The following RAB15 variants were observed in gnomAD, a reference collection of about 807,000 sequenced individuals.
RAB15 encodes the protein ras-related protein Rab-15.
In RAB15, 13 loss-of-function variants were observed where a neutral mutation model predicts 31.8. That is an observed-to-expected ratio of 0.41 (90% CI 0.27 to 0.65). The LOEUF (loss-of-function observed/expected upper bound fraction) is 0.65. Ranked by LOEUF, RAB15 falls within the 30% of genes least tolerant of loss-of-function variation. The pLI, the probability that RAB15 is intolerant of heterozygous loss-of-function variation, is 0.32. For synonymous variants in RAB15, 100 were observed against 105.6 expected, an observed-to-expected ratio of 0.95 and a Z score of 0.33; for missense variants, 220 against 277.3, an observed-to-expected ratio of 0.79 and a Z score of 1.47.
Position 64,950,727 on chromosome 14 carries a change from T to A in RAB15, c.325-313A>T. On this transcript the variant is annotated intron_variant, in intron 4 of 6. Coordinates refer to ENST00000533601, the MANE Select transcript of RAB15 (RefSeq NM_001308154.2). This position sits in a 1 kb window ranked among gnomAD's most constrained non-coding sequence, Gnocchi z 5.6. The stretch of plus-strand genomic sequence containing the variant: ...TACAGGAACTGGGGACCCAGAGGAT[T>A]CAAATGGCTTCCCAAGGCTCCACAG... 2 of 595,428 alleles carry A rather than the reference T, an allele frequency of 3.4e-6. No homozygotes were observed. Among genetic ancestry groups the A allele is most frequent in the Admixed American group, 3.0e-5 (1 of 33,588 alleles). 36.9% of individuals were successfully genotyped at this position (595,428 alleles called of 1,614,324 possible).
intron 1 of RAB15, among the ~76,000 whole-genome samples, chr14:64,960,871 G>T (rs1886817567): frequency 6.6e-6 from 1 of 152,190 alleles, no homozygotes; most frequent in African/African-American, 2.4e-5. Context: ...GCCGCCCCCT[G>T]TGGGGCCCAG....
At position 64,962,282 on chromosome 14, in the gene RAB15, CAG is replaced by C. The variant is rs1886906531; in HGVS notation, c.124+9669_124+9670del. Among the ~76,000 whole-genome samples, 1 of 152,174 alleles carries C rather than the reference CAG, an allele frequency of 6.6e-6. No homozygotes were observed. Among genetic ancestry groups the C allele is most frequent in the Non-Finnish European group, 1.5e-5 (1 of 68,024 alleles). Reference sequence around the variant, plus strand: ...AACCAATACGACCTATAACTTCCCTCAGGGAAGAACAGAAGTCCTCTAGGAAA... The same window carrying C: ...AACCAATACGACCTATAACTTCCCTCGGAAGAACAGAAGTCCTCTAGGAAA... On this transcript the variant is annotated intron_variant, in intron 1 of 6. Transcript: ENST00000533601. The surrounding 1 kb of genome is among the most constrained non-coding windows in gnomAD (Gnocchi z 4.2).
chr14:64,948,464 G>C lies in RAB15; in HGVS notation c.529C>G (p.Leu177Val), dbSNP rs1166808617. 1.2e-6 allele frequency: 2 copies of C among 1,613,338 alleles called. No individual in the cohort carries two copies. The highest frequency in any genetic ancestry group is 1.3e-5 in the African/African-American group (1 of 74,896). ...CTGGCACGCATCCGGAGGCCTTCCA[G>C]CTCCTTCCTATGGGCCTGCAGCACC... ...ELVLQAHRKE[L>V]EGLRMRASNE... The change falls in exon 7 of 7, where the codon CTG (leucine) becomes GTG (valine). Residue 177 changes from leucine to valine, a missense_variant. Coordinates refer to ENST00000533601, the MANE Select transcript of RAB15 (RefSeq NM_001308154.2). The surrounding 1 kb of genome is among the most constrained non-coding windows in gnomAD (Gnocchi z 7.0).
chr14:64,948,867 A>G lies in RAB15; in HGVS notation c.415-134T>C. On this transcript the variant is annotated intron_variant, in intron 5 of 6. Transcript: ENST00000533601. The surrounding 1 kb of genome is among the most constrained non-coding windows in gnomAD (Gnocchi z 7.0). Reference sequence around the variant, plus strand: ...GATTTCTCAGAGTAGATAATTTCTCAGATGGGACTGGGAGCTCCAAGAGAG... The same window carrying G: ...GATTTCTCAGAGTAGATAATTTCTCGGATGGGACTGGGAGCTCCAAGAGAG... 1 of 760,848 alleles carries G rather than the reference A, an allele frequency of 1.3e-6. No individual in the cohort carries two copies. Among genetic ancestry groups the G allele is most frequent in the Non-Finnish European group, 2.2e-6 (1 of 457,958 alleles). 47.1% of individuals were successfully genotyped at this position (760,848 alleles called of 1,614,324 possible). A position where few individuals can be genotyped will look rare whatever the true frequency, so the allele number is the denominator to read the frequency against.
In RAB15 at chr14:64,954,570, A is replaced by T; in HGVS notation, c.125-1999T>A. On this transcript the variant is annotated intron_variant, in intron 1 of 6. Coordinates refer to ENST00000533601, the MANE Select transcript of RAB15 (RefSeq NM_001308154.2). The surrounding 1 kb of genome is among the most constrained non-coding windows in gnomAD (Gnocchi z 4.3). ...CCACAAACATTTATGGGAACTTCCT[A>T]TGTGCCCTGCACAGTGCTCAGTGCA... 2.1e-6 allele frequency: 2 copies of T among 970,728 alleles called. No individual in the cohort carries two copies. Among genetic ancestry groups the T allele is most frequent in the Non-Finnish European group, 2.4e-6 (2 of 816,544 alleles). The allele number at this position is 970,728 out of a possible 1,614,324, so 60.1% of individuals were successfully genotyped here.
Position 64,971,833 on chromosome 14 carries a change from C to A in RAB15, c.124+120G>T. 1.0e-6 allele frequency: 1 copy of A among 973,244 alleles called. No homozygotes were observed. The highest frequency in any genetic ancestry group is 1.6e-5 in the South Asian group (1 of 63,406). 60.3% of individuals were successfully genotyped at this position (973,244 alleles called of 1,614,324 possible). On this transcript the variant is annotated intron_variant, in intron 1 of 6. Transcript: ENST00000533601. This position sits in a 1 kb window ranked among gnomAD's most constrained non-coding sequence, Gnocchi z 4.1. ...CCCGAGATTTATCCCGGACTCCGGC[C>A]TCCGGCGCCACCGCCTCCAGCCGGA... is the stretch of plus-strand genomic sequence containing the variant.
chr14:64,948,184 G>A lies in RAB15; in HGVS notation c.*170C>T, dbSNP rs1178532642. On this transcript the variant is annotated 3_prime_UTR_variant, in exon 7 of 7. Coordinates refer to ENST00000533601, the MANE Select transcript of RAB15 (RefSeq NM_001308154.2). This position sits in a 1 kb window ranked among gnomAD's most constrained non-coding sequence, Gnocchi z 7.0. ...GACGGGCTGGGGACAGGGGCTGCTT[G>A]AGATGACAGCAGAGCCGCTCTCAGG... is the stretch of plus-strand genomic sequence containing the variant. The A allele has an allele frequency of 3.5e-5, 23 of 654,998 alleles. No homozygotes were observed. Among genetic ancestry groups the A allele is most frequent in the Non-Finnish European group, 3.6e-5 (15 of 415,310 alleles). 40.6% of individuals were successfully genotyped at this position (654,998 alleles called of 1,614,324 possible).
At chr14:64,963,214 G>C (rs781215134) in intron 1 of RAB15, among the ~76,000 whole-genome samples, 63 of 145,834 alleles carry the variant, frequency 4.3e-4, no homozygotes, top group Non-Finnish European at 7.6e-4. Flanking sequence ...CACCTCCTGT[G>C]TTAAAGTGAT....
In RAB15 at chr14:64,945,902, G is replaced by A. The variant is rs1348187936; in HGVS notation, c.*2452C>T. On this transcript the variant is annotated 3_prime_UTR_variant, in exon 7 of 7. Transcript: ENST00000533601. ...AATTCATATATGGACCCGAGACACA[G>A]TACACGAAGTTCACCCGTCACAGGG... The A allele has an allele frequency of 6.6e-6, 1 of 152,480 alleles. No homozygotes were observed. The highest frequency in any genetic ancestry group is 2.4e-5 in the African/African-American group (1 of 41,416). The allele number at this position is 152,480 out of a possible 1,614,324, so 9.4% of individuals were successfully genotyped here.
Position 64,953,915 on chromosome 14 carries a change from C to T in RAB15, c.125-1344G>A. On this transcript the variant is annotated intron_variant, in intron 1 of 6. Transcript: ENST00000533601. The surrounding 1 kb of genome is among the most constrained non-coding windows in gnomAD (Gnocchi z 4.6). ...CTGCCCGGCCCAGAAGGCCTGAAGGCACCAGCATCCCCATCACCACTGCCA... is the reference window on the plus strand; with the variant it reads ...CTGCCCGGCCCAGAAGGCCTGAAGGTACCAGCATCCCCATCACCACTGCCA... 1 of 985,418 alleles carries T rather than the reference C, an allele frequency of 1.0e-6. No homozygotes were observed. The highest frequency in any genetic ancestry group is 1.2e-6 in the Non-Finnish European group (1 of 829,922). 61.0% of individuals were successfully genotyped at this position (985,418 alleles called of 1,614,324 possible). A position where few individuals can be genotyped will look rare whatever the true frequency, so the allele number is the denominator to read the frequency against.
intron 1 of RAB15, among the ~76,000 whole-genome samples, chr14:64,967,136 C>T (rs1887180920): frequency 1.3e-5 from 2 of 152,096 alleles, no homozygotes; most frequent in Non-Finnish European, 2.9e-5. Flanking sequence ...GCAACCCAGC[C>T]TGAGAAAGTG....
Position 64,970,791 on chromosome 14 carries a change from G to C in RAB15, c.124+1162C>G, listed in dbSNP as rs1208171200. On this transcript the variant is annotated intron_variant, in intron 1 of 6. Coordinates refer to ENST00000533601, the MANE Select transcript of RAB15 (RefSeq NM_001308154.2). The surrounding 1 kb of genome is among the most constrained non-coding windows in gnomAD (Gnocchi z 4.1). ...TGCTTTGCCCCACAGTGAGGTCTCA[G>C]GTCTCTTGGACAATAAAGCTGGCTT... 6.6e-6 allele frequency among the ~76,000 whole-genome samples: 1 copy of C among 152,218 alleles called. No individual in the cohort carries two copies. The highest frequency in any genetic ancestry group is 2.4e-5 in the African/African-American group (1 of 41,458).
At position 64,946,556 on chromosome 14, in the gene RAB15, C is replaced by T. The variant is rs1466467433; in HGVS notation, c.*1798G>A. On this transcript the variant is annotated 3_prime_UTR_variant, in exon 7 of 7. Transcript: ENST00000533601. ...TCTCCTTTGCTTTCCACCATCTAAG[C>T]TATACCCTGTCCCTAAGTCCTGAGC... The T allele has an allele frequency of 6.6e-6, 1 of 152,284 alleles. No homozygotes were observed. Among genetic ancestry groups the T allele is most frequent in the Non-Finnish European group, 1.5e-5 (1 of 68,070 alleles). The allele number at this position is 152,284 out of a possible 1,614,324, so 9.4% of individuals were successfully genotyped here. A position where few individuals can be genotyped will look rare whatever the true frequency, so the allele number is the denominator to read the frequency against.
chr14:64,971,906 G>A lies in RAB15; in HGVS notation c.124+47C>T, dbSNP rs751176761. On this transcript the variant is annotated intron_variant, in intron 1 of 6. Coordinates refer to ENST00000533601, the MANE Select transcript of RAB15 (RefSeq NM_001308154.2). The surrounding 1 kb of genome is among the most constrained non-coding windows in gnomAD (Gnocchi z 4.1). Reference sequence around the variant, plus strand: ...CTGGGGACGGGGGCGGCGGGGAAAGGGGCCGCGGGCGGGGAGGGAGGGGCG... The same window carrying A: ...CTGGGGACGGGGGCGGCGGGGAAAGAGGCCGCGGGCGGGGAGGGAGGGGCG... 1.2e-4 allele frequency: 181 copies of A among 1,524,960 alleles called. 1 individual carries two copies. The highest frequency in any genetic ancestry group is 1.5e-4 in the Non-Finnish European group (172 of 1,133,222). The allele number at this position is 1,524,960 out of a possible 1,614,324, so 94.5% of individuals were successfully genotyped here.
Position 64,948,439 on chromosome 14 carries a change from C to G in RAB15, c.554G>C (p.Ser185Thr), listed in dbSNP as rs947797436. The G allele has an allele frequency of 1.9e-6, 3 of 1,613,778 alleles. No homozygotes were observed. Among genetic ancestry groups the G allele is most frequent in the African/African-American group, 2.7e-5 (2 of 74,944 alleles). ...CAGCTCTGCCAGTGCCAACTCATTGCTGGCACGCATCCGGAGGCCTTCCAG... is the reference window on the plus strand; with the variant it reads ...CAGCTCTGCCAGTGCCAACTCATTGGTGGCACGCATCCGGAGGCCTTCCAG... ...KELEGLRMRA[S>T]NELALAELEE... The change falls in exon 7 of 7, where the codon AGC (serine) becomes ACC (threonine). Residue 185 changes from serine (S) to threonine (T), a missense_variant. Transcript: ENST00000533601. This position sits in a 1 kb window ranked among gnomAD's most constrained non-coding sequence, Gnocchi z 7.0.
At position 64,968,817 on chromosome 14, in the gene RAB15, C is replaced by T. The variant is rs1887270758; in HGVS notation, c.124+3136G>A. On this transcript the variant is annotated intron_variant, in intron 1 of 6. Transcript: ENST00000533601. This position sits in a 1 kb window ranked among gnomAD's most constrained non-coding sequence, Gnocchi z 4.9. The stretch of plus-strand genomic sequence containing the variant: ...CCCCAGCCAGGCCAGCACAGCTGCA[C>T]AGAAAGGAAATGCCTGTGGCAGAGC... 6.6e-6 allele frequency among the ~76,000 whole-genome samples: 1 copy of T among 152,174 alleles called. No individual in the cohort carries two copies. Among genetic ancestry groups the T allele is most frequent in the South Asian group, 2.1e-4 (1 of 4,826 alleles).
rs1217013828 is a variant in RAB15 at position 64,953,104 on chromosome 14, G to T, written c.125-533C>A. Among the ~76,000 whole-genome samples, 4 of 152,168 alleles carry T rather than the reference G, an allele frequency of 2.6e-5. No homozygotes were observed. The highest frequency in any genetic ancestry group is 2.6e-4 in the Admixed American group (4 of 15,272). On this transcript the variant is annotated intron_variant, in intron 1 of 6. Transcript: ENST00000533601. The surrounding 1 kb of genome is among the most constrained non-coding windows in gnomAD (Gnocchi z 4.6). ...ATTGTACCTGAAGCCTCAGCACCCA[G>T]CCAAGGCTCACCAAAAAGAAGGCCT...
rs1349548232 is a variant in RAB15, at chr14:64,953,370, C to G, written c.125-799G>C. ...TGAGGAGGCCGGATGAGATACAGCA[C>G]CTGGCCCAATTGACTGCAGCTGTCA... On this transcript the variant is annotated intron_variant, in intron 1 of 6. Coordinates refer to ENST00000533601, the MANE Select transcript of RAB15 (RefSeq NM_001308154.2). The surrounding 1 kb of genome is among the most constrained non-coding windows in gnomAD (Gnocchi z 4.6). Among the ~76,000 whole-genome samples the G allele has an allele frequency of 1.3e-5, 2 of 152,194 alleles. No individual in the cohort carries two copies. Among genetic ancestry groups the G allele is most frequent in the African/African-American group, 4.8e-5 (2 of 41,448 alleles).
rs1015872899 is a variant in RAB15, at chr14:64,953,428, C to G, written c.125-857G>C. 9.9e-5 allele frequency among the ~76,000 whole-genome samples: 15 copies of G among 152,086 alleles called. No individual in the cohort carries two copies. The highest frequency in any genetic ancestry group is 1.8e-4 in the Non-Finnish European group (12 of 68,020). On this transcript the variant is annotated intron_variant, in intron 1 of 6. Transcript: ENST00000533601. The surrounding 1 kb of genome is among the most constrained non-coding windows in gnomAD (Gnocchi z 4.6). ...GTGCAGGGCCGGGTACATGCGGGTG[C>G]TTATGAGTGACTGTCATAGGACCAG...
Sources: allele counts gnomAD v4.1 joint callset (sites outside exome capture counted in the v4.1 genomes callset), GRCh38; gene constraint gnomAD v4.1.1; non-coding constraint Gnocchi (gnomAD v3.1); transcripts MANE v1.5; gene names NCBI Gene and HGNC (gene_info 2026-07-23, HGNC 2026-07-21).